Variants in SLC24A3 observed in about 807,000 individuals in gnomAD.
SLC24A3 encodes solute carrier family 24 member 3, also known as sodium/potassium/calcium exchanger 3.
A neutral mutation model predicts 75.8 loss-of-function variants in SLC24A3; 28 were observed. The ratio of observed to expected loss-of-function variants is 0.37; its 90% CI spans 0.27 to 0.51. SLC24A3 has a LOEUF of 0.51. SLC24A3 is among the 20% of genes least tolerant of loss of function. The pLI is 0.94. For missense variants in SLC24A3, 663 were observed against 847.8 expected, an observed-to-expected ratio of 0.78 and a Z score of 2.71; for synonymous variants, 372 against 334.1, an observed-to-expected ratio of 1.11 and a Z score of -1.24.
At chr20:19,354,433 C>T (rs1985635658) in intron 2 of SLC24A3, among the ~76,000 whole-genome samples, 1 of 152,086 alleles carries the variant, frequency 6.6e-6, no homozygotes, top group Non-Finnish European at 1.5e-5. Flanking sequence ...GGACAAGAAA[C>T]TTCCAGGGAT....
intron 2 of SLC24A3, among the ~76,000 whole-genome samples, chr20:19,358,685 G>C (rs189881801): frequency 6.6e-6 from 1 of 152,298 alleles, no homozygotes; most frequent in East Asian, 1.9e-4. Context: ...CGATTTAGTA[G>C]TATTTAGTAC....
chr20:19,529,405 C>G (rs2030255055), intron 3 of SLC24A3, among the ~76,000 whole-genome samples: 1 of 152,172 alleles, frequency 6.6e-6, no homozygotes, highest in Non-Finnish European at 1.5e-5. Flanking sequence ...GGCTGGAATC[C>G]TAGAAATCAA....
chr20:19,607,658 C>T (rs2031615135), intron 6 of SLC24A3, among the ~76,000 whole-genome samples: 1 of 152,242 alleles, frequency 6.6e-6, no homozygotes, highest in Admixed American at 6.5e-5. Context: ...AATTCTTCCA[C>T]TGTAGCATTT....
chr20:19,519,474 C>T (rs972223192), intron 3 of SLC24A3, among the ~76,000 whole-genome samples: 6 of 152,166 alleles, frequency 3.9e-5, no homozygotes, highest in African/African-American at 1.4e-4. Flanking sequence ...TTTCAGAAAT[C>T]CCAAGCCTGA....
intron 2 of SLC24A3, chr20:19,283,361 T>C (rs1983714818): frequency 6.6e-6 from 1 of 152,298 alleles, no homozygotes; most frequent in Non-Finnish European, 1.5e-5. Context: ...ACATGTGCTG[T>C]TAAATATGGA....
At chr20:19,213,019 C>G (rs1186763896) in intron 1 of SLC24A3, 35 bp downstream of exon 1, 7 of 1,210,872 alleles carry the variant, frequency 5.8e-6, no homozygotes, top group African/African-American at 3.1e-5. Flanking sequence ...GTGGGCGCTG[C>G]GGCTCCGGCG....
At chr20:19,366,988 C>G (rs1231202255) in intron 2 of SLC24A3, among the ~76,000 whole-genome samples, 2 of 152,172 alleles carry the variant, frequency 1.3e-5, no homozygotes, top group Admixed American at 6.5e-5. Context: ...AATTGGCCAG[C>G]CCTGATATCC....
At chr20:19,335,265 A>G (rs1199066101) in intron 2 of SLC24A3, among the ~76,000 whole-genome samples, 1 of 152,230 alleles carries the variant, frequency 6.6e-6, no homozygotes, top group Non-Finnish European at 1.5e-5. Flanking sequence ...AGTGGTGTCC[A>G]CGGATATATA....
Position 19,654,066 on chromosome 20 carries a change from T to G in SLC24A3, c.617T>G (p.Val206Gly). 1 of 1,613,052 alleles carries G rather than the reference T, an allele frequency of 6.2e-7. No homozygotes were observed. The highest frequency in any genetic ancestry group is 8.5e-7 in the Non-Finnish European group (1 of 1,179,056). The change falls in exon 7 of 17, where the codon GTG (valine) becomes GGG (glycine). Residue 206 changes from valine to glycine, a missense_variant. Physicochemically the swap from Val to Gly is moderately radical, Grantham distance 109. This residue lies in a region of SLC24A3 where 510 missense variants were observed against 703.6 expected (regional missense o/e 0.72). Transcript: ENST00000328041. ...TTTGTTTCCCTTGTCCTGCAGGTTGTGGCTCTTTCCTCCTGGTGCCTGCTG... is the reference window on the plus strand; with the variant it reads ...TTTGTTTCCCTTGTCCTGCAGGTTGGGGCTCTTTCCTCCTGGTGCCTGCTG... ...GVCGLFAGQV[V>G]ALSSWCLLRD...
chr20:19,363,907 A>AT (rs1600449236), intron 2 of SLC24A3, among the ~76,000 whole-genome samples: 1 of 152,144 alleles, frequency 6.6e-6, no homozygotes, highest in African/African-American at 2.4e-5. Context: ...CTCTGAAGCA[A>AT]TGAGGCTGAG....
chr20:19,367,505 C>T (rs1340639486), intron 2 of SLC24A3, among the ~76,000 whole-genome samples: 1 of 149,248 alleles, frequency 6.7e-6, no homozygotes, highest in Non-Finnish European at 1.5e-5. Flanking sequence ...TTTTTTTAAA[C>T]CCTGCTTAGG....
intron 1 of SLC24A3, among the ~76,000 whole-genome samples, chr20:19,239,962 T>C (rs1461636955): frequency 6.6e-6 from 1 of 152,194 alleles, no homozygotes; most frequent in Non-Finnish European, 1.5e-5. Flanking sequence ...GCGGTTGTCC[T>C]GAGTCTTTTC....
intron 2 of SLC24A3, among the ~76,000 whole-genome samples, chr20:19,294,827 G>A (rs1984023843): frequency 6.6e-6 from 1 of 152,116 alleles, no homozygotes; most frequent in African/African-American, 2.4e-5. Flanking sequence ...GGGTCAAATG[G>A]TATTTCTGTT....
intron 2 of SLC24A3, among the ~76,000 whole-genome samples, chr20:19,342,456 C>G (rs2087265813): frequency 6.6e-6 from 1 of 152,160 alleles, no homozygotes; most frequent in African/African-American, 2.4e-5. Flanking sequence ...TTGGACAGAT[C>G]AGATGTTTAA....
intron 15 of SLC24A3, among the ~76,000 whole-genome samples, chr20:19,703,219 C>T (rs1045398028): frequency 7.2e-5 from 11 of 152,164 alleles, no homozygotes; most frequent in Non-Finnish European, 1.5e-4. Context: ...AAATGCTCCC[C>T]ACATCCTAAA....
chr20:19,650,064 T>C (rs1357887162), intron 6 of SLC24A3, among the ~76,000 whole-genome samples: 1 of 152,162 alleles, frequency 6.6e-6, no homozygotes, highest in African/African-American at 2.4e-5. Flanking sequence ...GTAAGTACCA[T>C]AGAATTGTGA....
At chr20:19,658,336 G>A (rs957686366) in intron 7 of SLC24A3, among the ~76,000 whole-genome samples, 3 of 152,202 alleles carry the variant, frequency 2.0e-5, no homozygotes, top group Non-Finnish European at 4.4e-5. Context: ...AGCTGATGCG[G>A]GCGGGGCATG....
intron 2 of SLC24A3, among the ~76,000 whole-genome samples, chr20:19,322,885 C>T (rs1984746164): frequency 6.6e-6 from 1 of 152,084 alleles, no homozygotes. Context: ...TGGAAGGAAC[C>T]CATTTTGGAT....
intron 2 of SLC24A3, among the ~76,000 whole-genome samples, chr20:19,407,707 TG>T (rs1986672954): frequency 2.0e-5 from 3 of 152,358 alleles, no homozygotes; most frequent in African/African-American, 7.2e-5. Context: ...TTCTTTTCCA[TG>T]TTATATAGGT....
Sources: allele counts gnomAD v4.1 joint callset (sites outside exome capture counted in the v4.1 genomes callset), GRCh38; gene constraint gnomAD v4.1.1; regional missense constraint gnomAD v4.1.1; transcripts MANE v1.5; gene names NCBI Gene and HGNC (gene_info 2026-07-23, HGNC 2026-07-21).